Variants in MOB1B observed in about 807,000 individuals in gnomAD.
The protein encoded by MOB1B is MOB kinase activator 1B.
Under a neutral mutation model 24.4 loss-of-function variants are expected in MOB1B, and 19 were observed. That is an observed-to-expected ratio of 0.78 (90% CI 0.54 to 1.14). The LOEUF (loss-of-function observed/expected upper bound fraction) is 1.14. MOB1B is among the 50% of genes most tolerant of loss of function. MOB1B has a pLI of 0.00. For missense variants in MOB1B, 243 were observed against 259.6 expected (o/e 0.94, Z 0.44); for synonymous variants, 76 against 82.1 (o/e 0.93, Z 0.40).
rs1739418712 is a variant in MOB1B at position 70,987,513 on chromosome 4, T to C, written c.*5456T>C. 1 of 152,142 alleles carries C rather than the reference T, an allele frequency of 6.6e-6. No individual in the cohort carries two copies. The allele number at this position is 152,142 out of a possible 1,614,324, so 9.4% of individuals were successfully genotyped here. A position where few individuals can be genotyped will look rare whatever the true frequency, so the allele number is the denominator to read the frequency against. On this transcript the variant is annotated 3_prime_UTR_variant, in exon 6 of 6. Transcript: ENST00000309395. ...TTAGGGAAAGTAGTTTTTTTGGAGC[T>C]ACTAACTTGTATTTATTATTGTACA... is the stretch of plus-strand genomic sequence containing the variant.
At chr4:70,922,713 A>G (rs754338099) in intron 1 of MOB1B, among the ~76,000 whole-genome samples, 2 of 152,206 alleles carry the variant, frequency 1.3e-5, no homozygotes, top group Non-Finnish European at 2.9e-5. Flanking sequence ...TTTTGAAGCT[A>G]ATTTGTTTAG....
At chr4:70,920,310 C>G in intron 1 of MOB1B, among the ~76,000 whole-genome samples, 1 of 152,186 alleles carries the variant, frequency 6.6e-6, no homozygotes, top group Non-Finnish European at 1.5e-5. Flanking sequence ...CACTGCACCT[C>G]TGCCTCCTGG....
intron 2 of MOB1B, among the ~76,000 whole-genome samples, chr4:70,964,472 A>G (rs1274501950): frequency 6.6e-6 from 1 of 152,238 alleles, no homozygotes. Context: ...AAAATACTAT[A>G]TATGGAAACT....
At chr4:70,910,195 C>A (rs907130797) in intron 1 of MOB1B, among the ~76,000 whole-genome samples, 1 of 151,746 alleles carries the variant, frequency 6.6e-6, no homozygotes, top group South Asian at 2.1e-4. Flanking sequence ...CGTGTGCCAC[C>A]ATGCCCAGCT....
Position 70,930,215 on chromosome 4 carries a change from T to G in MOB1B, c.14+27665T>G, listed in dbSNP as rs115695762. On this transcript the variant is annotated intron_variant, in intron 1 of 5. Transcript: ENST00000309395. The stretch of plus-strand genomic sequence containing the variant: ...CAGTGTATATCTTGTTTCTTAGTTT[T>G]TTTTTGATATTTTACTACAGGCAAT... 4.6e-3 allele frequency among the ~76,000 whole-genome samples: 700 copies of G among 152,320 alleles called. 5 individuals are homozygous for G. Among genetic ancestry groups the G allele is most frequent in the African/African-American group, 0.016 (662 of 41,568 alleles).
chr4:70,919,679 A>G (rs1465497477), intron 1 of MOB1B, among the ~76,000 whole-genome samples: 1 of 152,146 alleles, frequency 6.6e-6, no homozygotes, highest in East Asian at 1.9e-4. Context: ...TTGTAGTTTT[A>G]GTAGAGACAG....
At chr4:70,976,331 A>AT in intron 4 of MOB1B, 1 of 985,154 alleles carries the variant, frequency 1.0e-6, no homozygotes, top group Non-Finnish European at 1.2e-6. Flanking sequence ...ATCCAGTGTT[A>AT]TTTAGTAATA....
At chr4:70,954,410 T>C (rs1737947214) in intron 1 of MOB1B, among the ~76,000 whole-genome samples, 1 of 152,212 alleles carries the variant, frequency 6.6e-6, no homozygotes, top group Non-Finnish European at 1.5e-5. Flanking sequence ...TGTGTCAAAG[T>C]TGGCCTTCAC....
chr4:70,973,324 G>A (rs1738841733), intron 3 of MOB1B, among the ~76,000 whole-genome samples: 1 of 151,902 alleles, frequency 6.6e-6, no homozygotes, highest in Admixed American at 6.6e-5. Flanking sequence ...ATAATGATGG[G>A]CTGGGGATGG....
At chr4:70,981,096 TAAC>T (rs1739196676) in intron 5 of MOB1B, among the ~76,000 whole-genome samples, 2 of 152,212 alleles carry the variant, frequency 1.3e-5, no homozygotes, top group Admixed American at 1.3e-4. Flanking sequence ...ATGTTTTACT[TAAC>T]AACATTCTAG....
At position 70,983,208 on chromosome 4, in the gene MOB1B, A is replaced by G. The variant is rs1293427351; in HGVS notation, c.*1151A>G. On this transcript the variant is annotated 3_prime_UTR_variant, in exon 6 of 6. Transcript: ENST00000309395. ...TGGGGGAAATTGATCACTTCTTAGCATTTCCATTCAGTGAATGGAGCTGAT... is the reference window on the plus strand; with the variant it reads ...TGGGGGAAATTGATCACTTCTTAGCGTTTCCATTCAGTGAATGGAGCTGAT... 6.6e-6 allele frequency: 1 copy of G among 152,562 alleles called. No homozygotes were observed. The allele number at this position is 152,562 out of a possible 1,614,324, so 9.5% of individuals were successfully genotyped here. A position where few individuals can be genotyped will look rare whatever the true frequency, so the allele number is the denominator to read the frequency against.
chr4:70,911,700 G>A (rs764525989), intron 1 of MOB1B, among the ~76,000 whole-genome samples: 9 of 152,078 alleles, frequency 5.9e-5, no homozygotes, highest in African/African-American at 2.2e-4. Context: ...ATGAAAGCAC[G>A]TGTCTAATAC....
At position 70,983,812 on chromosome 4, in the gene MOB1B, GA is replaced by G. The variant is rs1739295569; in HGVS notation, c.*1758del. On this transcript the variant is annotated 3_prime_UTR_variant, in exon 6 of 6. Transcript: ENST00000309395. Reference sequence around the variant, plus strand: ...CAAGTACCAACAGTAGAAGTAACAGGAAAGCCTGGCAGAGTTAAATATCTTG... The same window carrying G: ...CAAGTACCAACAGTAGAAGTAACAGGAAGCCTGGCAGAGTTAAATATCTTG... 1 of 152,514 alleles carries G rather than the reference GA, an allele frequency of 6.6e-6. No individual in the cohort carries two copies. The highest frequency in any genetic ancestry group is 2.4e-5 in the African/African-American group (1 of 41,430). The allele number at this position is 152,514 out of a possible 1,614,324, so 9.4% of individuals were successfully genotyped here.
intron 1 of MOB1B, among the ~76,000 whole-genome samples, chr4:70,903,507 G>C (rs1334552307): frequency 6.6e-6 from 1 of 152,108 alleles, no homozygotes; most frequent in East Asian, 1.9e-4. Flanking sequence ...CTCCTTTGAA[G>C]GCTTCGTTGT....
rs752631743 is a variant in MOB1B at position 70,959,065 on chromosome 4, T to C, written c.181+25T>C. On this transcript the variant is annotated intron_variant, in intron 2 of 5. Coordinates refer to ENST00000309395, the MANE Select transcript of MOB1B (RefSeq NM_173468.4). ...AGTAAGTAGCCTTTTTATTTCTCAG[T>C]AGCCTGTGAATTAGGGTAATAGCCT... The C allele has an allele frequency of 1.9e-6, 3 of 1,603,208 alleles. No homozygotes were observed. In the Admixed American group the frequency reaches 5.0e-5, roughly 27 times the overall value.
chr4:70,978,995 G>A, intron 4 of MOB1B, 133 bp from the exon 5 acceptor site: 1 of 692,354 alleles, frequency 1.4e-6, no homozygotes, highest in Non-Finnish European at 2.5e-6. Flanking sequence ...AGGTATAATG[G>A]GTATATGTAT....
At chr4:70,976,154 G>T (rs952629718) in intron 4 of MOB1B, 1 of 948,046 alleles carries the variant, frequency 1.1e-6, no homozygotes. Flanking sequence ...TACCCACCTC[G>T]GCCTCCCAAA....
intron 1 of MOB1B, among the ~76,000 whole-genome samples, chr4:70,921,496 C>A (rs184170818): frequency 1.6e-5 from 2 of 127,134 alleles, no homozygotes; most frequent in African/African-American, 6.0e-5. Flanking sequence ...CCTCCCCTCC[C>A]CTCCCCTCCC....
chr4:70,913,034 A>G (rs1010724512), intron 1 of MOB1B, among the ~76,000 whole-genome samples: 17 of 152,358 alleles, frequency 1.1e-4, no homozygotes, highest in Middle Eastern at 3.4e-3. Context: ...CCGGCATTAC[A>G]GGTGTGAGCC....
Sources: gnomAD v4.1 joint callset for allele counts (sites outside exome capture counted in the v4.1 genomes callset) on GRCh38, gnomAD v4.1.1 for gene constraint, MANE v1.5 for transcripts, NCBI Gene and HGNC (gene_info 2026-07-23, HGNC 2026-07-21) for gene names.